The following GRM7 variants were observed in gnomAD, a reference collection of about 807,000 sequenced individuals.
GRM7 encodes the protein metabotropic glutamate receptor 7.
Under a neutral mutation model 84.5 loss-of-function variants are expected in GRM7, and 35 were observed. The observed-to-expected ratio is 0.41, with a 90% confidence interval of 0.32 to 0.55. The LOEUF (loss-of-function observed/expected upper bound fraction) is 0.55. GRM7 is among the 20% of genes least tolerant of loss of function. The probability of loss-of-function intolerance (pLI) is 0.19; values close to 1 mark genes in which losing one functional copy is unlikely to be tolerated. For synonymous variants in GRM7, 487 were observed against 455.1 expected (o/e 1.07, Z -0.89); for missense variants, 1,003 against 1,194.6 (o/e 0.84, Z 2.36).
intron 1 of GRM7, among the ~76,000 whole-genome samples, chr3:7,116,652 T>C (rs1201288403): frequency 6.6e-6 from 1 of 152,188 alleles, no homozygotes; most frequent in South Asian, 2.1e-4. Context: ...AGTGGTACCA[T>C]GAAAAAATAA....
intron 4 of GRM7, among the ~76,000 whole-genome samples, chr3:7,375,138 A>G (rs1694291862): frequency 6.6e-6 from 1 of 151,698 alleles, no homozygotes; most frequent in Admixed American, 6.6e-5. Context: ...ATTCTCTATC[A>G]CTAAACAATC....
chr3:7,393,589 G>A (rs546957712), intron 4 of GRM7, among the ~76,000 whole-genome samples: 14 of 152,250 alleles, frequency 9.2e-5, no homozygotes, highest in African/African-American at 2.6e-4. Context: ...CAATGTGTTC[G>A]AAATATGAGT....
chr3:7,194,393 G>A (rs747012281), intron 2 of GRM7, among the ~76,000 whole-genome samples: 5 of 152,150 alleles, frequency 3.3e-5, no homozygotes, highest in Non-Finnish European at 7.3e-5. Flanking sequence ...ACATACAGGG[G>A]TCATTACTAA....
At chr3:7,320,773 A>G (rs75934185) in intron 4 of GRM7, among the ~76,000 whole-genome samples, 418 of 151,422 alleles carry the variant, frequency 2.8e-3, no homozygotes, top group Non-Finnish European at 4.5e-3. Flanking sequence ...ACTGTTGCAT[A>G]TAATAGTAGT....
At chr3:7,539,070 T>G (rs1692717908) in intron 7 of GRM7, among the ~76,000 whole-genome samples, 1 of 152,180 alleles carries the variant, frequency 6.6e-6, no homozygotes, top group African/African-American at 2.4e-5. Context: ...AAATTAACTT[T>G]CAGATGATTG....
intron 8 of GRM7, among the ~76,000 whole-genome samples, chr3:7,655,028 G>A (rs1048898815): frequency 2.0e-5 from 3 of 152,124 alleles, no homozygotes; most frequent in Non-Finnish European, 2.9e-5. Context: ...CGTGGTTCTA[G>A]TTCTGTGAAC....
chr3:7,722,256 T>C (rs1160221435), intron 9 of GRM7, among the ~76,000 whole-genome samples: 5 of 152,330 alleles, frequency 3.3e-5, no homozygotes, highest in African/African-American at 1.2e-4. Flanking sequence ...CTAAAATATA[T>C]TGAGTACAAA....
At chr3:7,325,435 T>C (rs1700946204) in intron 4 of GRM7, among the ~76,000 whole-genome samples, 1 of 152,152 alleles carries the variant, frequency 6.6e-6, no homozygotes, top group African/African-American at 2.4e-5. Context: ...GAGTTTCTGA[T>C]TTGGTATGTC....
chr3:6,998,204 T>C (rs1234976988), intron 1 of GRM7, among the ~76,000 whole-genome samples: 1 of 140,658 alleles, frequency 7.1e-6, no homozygotes, highest in African/African-American at 2.6e-5. Context: ...CCATTCCAAA[T>C]GGGAGAAATT....
intron 1 of GRM7, among the ~76,000 whole-genome samples, chr3:6,925,556 A>G (rs1166548071): frequency 6.6e-6 from 1 of 152,208 alleles, no homozygotes; most frequent in Non-Finnish European, 1.5e-5. Flanking sequence ...AAGAGAAACC[A>G]GGATCTTGAT....
In GRM7 at chr3:7,199,987, C is replaced by A. The variant is rs529924182; in HGVS notation, c.736+53319C>A. 9.9e-5 allele frequency among the ~76,000 whole-genome samples: 15 copies of A among 152,248 alleles called. No homozygotes were observed. In the South Asian group the frequency reaches 3.1e-3, roughly 32 times the overall value. The stretch of plus-strand genomic sequence containing the variant: ...CCTCCATTCTACAGGCTGGGAAGTT[C>A]AAGTGCATAGTGCTGCACCTGGTTG... On this transcript the variant is annotated intron_variant, in intron 2 of 9. Coordinates refer to ENST00000357716, the MANE Select transcript of GRM7 (RefSeq NM_000844.4).
At chr3:7,062,263 C>G (rs1499146) in intron 1 of GRM7, among the ~76,000 whole-genome samples, 85,856 of 151,334 alleles carry the variant, frequency 0.57, 26,024 homozygotes, top group African/African-American at 0.8. Flanking sequence ...GTGAATGGAA[C>G]GGATAAAGCA....
At position 7,298,704 on chromosome 3, in the gene GRM7, T is replaced by C. The variant is rs764892183; in HGVS notation, c.757T>C (p.Ser253Pro). 6.2e-7 allele frequency: 1 copy of C among 1,613,494 alleles called. No individual in the cohort carries two copies. Among genetic ancestry groups the C allele is most frequent in the African/African-American group, 1.3e-5 (1 of 74,896 alleles). Residue 253 changes from serine to proline, a missense_variant, in exon 3 of 10, where the codon TCC (serine) becomes CCC (proline). This residue lies in a region of GRM7 where 910 missense variants were observed against 1,126.0 expected (regional missense o/e 0.81). Transcript: ENST00000357716. Reference sequence around the variant, plus strand: ...AACAGGTGGACTCTGCATTGCCCAGTCCGTGAGAATCCCCCAGGAACGCAA... The same window carrying C: ...AACAGGTGGACTCTGCATTGCCCAGCCCGTGAGAATCCCCCAGGAACGCAA... ...KEAGGLCIAQ[S>P]VRIPQERKDR... is the part of the protein sequence containing the mutation.
chr3:6,984,981 TCAGA>T (rs1339493471), intron 1 of GRM7, among the ~76,000 whole-genome samples: 3 of 152,224 alleles, frequency 2.0e-5, no homozygotes, highest in Non-Finnish European at 2.9e-5. Flanking sequence ...TTCTTCAGCG[TCAGA>T]CAGAGCACCG....
At chr3:7,456,980 GAGAAA>G (rs1698044654) in intron 6 of GRM7, among the ~76,000 whole-genome samples, 1 of 152,064 alleles carries the variant, frequency 6.6e-6, no homozygotes. Context: ...TCAAATCCTA[GAGAAA>G]AGAAAATATT....
rs569248850 is a variant in GRM7, at chr3:7,197,693, C to T, written c.736+51025C>T. 1.4e-3 allele frequency among the ~76,000 whole-genome samples: 181 copies of T among 130,942 alleles called. 1 individual carries two copies. The highest frequency in any genetic ancestry group is 5.2e-3 in the African/African-American group (142 of 27,434). The allele number at this position is 130,942 out of a possible 152,430, so 85.9% of individuals were successfully genotyped here. A position where few individuals can be genotyped will look rare whatever the true frequency, so the allele number is the denominator to read the frequency against. ...CATCCCAAGGAAAAAATACTTTTTA[C>T]GACAAGTTTTTTTTTTTTTCTAGTT... On this transcript the variant is annotated intron_variant, in intron 2 of 9. Transcript: ENST00000357716.
At chr3:7,101,800 A>G (rs1030214496) in intron 1 of GRM7, among the ~76,000 whole-genome samples, 10 of 147,776 alleles carry the variant, frequency 6.8e-5, no homozygotes, top group Non-Finnish European at 1.5e-4. Context: ...AAAACTTTAT[A>G]TATAAATATA....
intron 5 of GRM7, among the ~76,000 whole-genome samples, chr3:7,439,671 G>C (rs562771112): frequency 6.6e-6 from 1 of 152,288 alleles, no homozygotes; most frequent in South Asian, 2.1e-4. Context: ...ATTAGAGAAT[G>C]CAAGTGGCAT....
chr3:7,118,098 A>AAAG (rs1189024090), intron 1 of GRM7, among the ~76,000 whole-genome samples: 1 of 152,148 alleles, frequency 6.6e-6, no homozygotes, highest in Non-Finnish European at 1.5e-5. Context: ...TAAAAACCCA[A>AAAG]AAGAAGGCTG....
Sources: allele counts gnomAD v4.1 joint callset (sites outside exome capture counted in the v4.1 genomes callset), GRCh38; gene constraint gnomAD v4.1.1; regional missense constraint gnomAD v4.1.1; transcripts MANE v1.5; gene names NCBI Gene and HGNC (gene_info 2026-07-23, HGNC 2026-07-21).